Variants in NOD1 observed in about 807,000 individuals in gnomAD.
The protein encoded by NOD1 is nucleotide binding oligomerization domain containing 1, also known as nucleotide-binding oligomerization domain-containing protein 1.
NOD1 carries 70 observed loss-of-function variants against 81.2 expected under a neutral mutation model. The ratio of observed to expected loss-of-function variants is 0.86; its 90% CI spans 0.71 to 1.05. NOD1 has a LOEUF of 1.05. NOD1 is among the 50% of genes least tolerant of loss of function. The pLI is 0.00. For synonymous variants in NOD1, 508 were observed against 526.9 expected (o/e 0.96, Z 0.49); for missense variants, 1,233 against 1,228.0 (o/e 1.00, Z -0.06).
chr7:30,429,336 C>T (rs749682446), intron 13 of NOD1, 38 bp downstream of exon 13: 1 of 1,540,726 alleles, frequency 6.5e-7, no homozygotes, highest in South Asian at 1.1e-5. Context: ...AGTAAACAGT[C>T]ACTGGTGTTA....
At chr7:30,471,114 C>T (rs1583884785) in intron 1 of NOD1, among the ~76,000 whole-genome samples, 1 of 148,992 alleles carries the variant, frequency 6.7e-6, no homozygotes, top group East Asian at 1.9e-4. Flanking sequence ...CGTTTATTAA[C>T]CCCATTGAAC....
At chr7:30,471,589 CA>C (rs1206875424) in intron 1 of NOD1, among the ~76,000 whole-genome samples, 1 of 152,206 alleles carries the variant, frequency 6.6e-6, no homozygotes, top group Non-Finnish European at 1.5e-5. Flanking sequence ...TTCAGATTTT[CA>C]AAGGTGAACA....
At position 30,437,665 on chromosome 7, in the gene NOD1, G is replaced by A. The variant is rs1784498415; in HGVS notation, c.2454-9C>T. ...CTTGATTGCCCCACATCCTGAGGGA[G>A]GAGACAAGATAGTGAATGTTAGCTC... On this transcript the variant is annotated splice_polypyrimidine_tract_variant and intron_variant, in intron 9 of 13. Coordinates refer to ENST00000222823, the MANE Select transcript of NOD1 (RefSeq NM_006092.4). 1 of 1,508,680 alleles carries A rather than the reference G, an allele frequency of 6.6e-7. No individual in the cohort carries two copies. Among genetic ancestry groups the A allele is most frequent in the South Asian group, 1.4e-5 (1 of 74,024 alleles). The allele number at this position is 1,508,680 out of a possible 1,614,324, so 93.5% of individuals were successfully genotyped here. A position where few individuals can be genotyped will look rare whatever the true frequency, so the allele number is the denominator to read the frequency against.
At chr7:30,435,120 T>C (rs1784271057) in intron 11 of NOD1, among the ~76,000 whole-genome samples, 1 of 151,812 alleles carries the variant, frequency 6.6e-6, no homozygotes, top group African/African-American at 2.4e-5. Flanking sequence ...TAAAGCAAAA[T>C]AAAACATTAA....
intron 11 of NOD1, 74 bp downstream of exon 11, chr7:30,435,924 C>T: frequency 1.6e-6 from 2 of 1,289,082 alleles, no homozygotes; most frequent in Non-Finnish European, 2.2e-6. Context: ...CACCAATGCA[C>T]TCAAGCCTGG....
At chr7:30,476,374 C>G (rs1788782390) in intron 1 of NOD1, among the ~76,000 whole-genome samples, 1 of 152,174 alleles carries the variant, frequency 6.6e-6, no homozygotes, top group Non-Finnish European at 1.5e-5. Context: ...CCATGATGCA[C>G]AGAGCACGTA....
rs998329569 is a variant in NOD1 at position 30,451,761 on chromosome 7, C to A, written c.1656G>T (p.Gly552=). The A allele has an allele frequency of 8.1e-6, 13 of 1,613,724 alleles. No homozygotes were observed. Among genetic ancestry groups the A allele is most frequent in the Non-Finnish European group, 1.1e-5 (13 of 1,179,994 alleles). Residue 552 remains glycine (G), a synonymous_variant, in exon 6 of 14, where the codon GGG becomes GGT. Coordinates refer to ENST00000222823, the MANE Select transcript of NOD1 (RefSeq NM_006092.4). This position sits in a 1 kb window ranked among gnomAD's most constrained non-coding sequence, Gnocchi z 4.2. ...GAGGATAGCAGGACGTGGTCGCTGC[C>A]CCCGCAGGGGGCATCCACTCCTGGA... ...RFFQEWMPPA[G]AATTSCYPPF... is the part of the protein sequence containing the mutation.
At chr7:30,453,177 ACTC>A in intron 5 of NOD1, 137 bp from the exon 6 acceptor site, 1 of 877,090 alleles carries the variant, frequency 1.1e-6, no homozygotes, top group Non-Finnish European at 1.7e-6. Context: ...CAGCGCAGCC[ACTC>A]CTCAGATGCA....
rs1200343009 is a variant in NOD1, at chr7:30,424,810, ATTTC to A, written c.*824_*827del. On this transcript the variant is annotated 3_prime_UTR_variant, in exon 14 of 14. Transcript: ENST00000222823. ...GGGCCACAGGGGCAAGCCATGCCCT[ATTTC>A]TTTGGAGGGACAGAATCACTTCTTC... The A allele has an allele frequency of 6.6e-6, 1 of 152,238 alleles. No homozygotes were observed. Among genetic ancestry groups the A allele is most frequent in the Non-Finnish European group, 1.5e-5 (1 of 68,094 alleles). The allele number at this position is 152,238 out of a possible 1,614,324, so 9.4% of individuals were successfully genotyped here. A position where few individuals can be genotyped will look rare whatever the true frequency, so the allele number is the denominator to read the frequency against.
Position 30,437,629 on chromosome 7 carries a change from T to A in NOD1, c.2481A>T (p.Glu827Asp). The change falls in exon 10 of 14, where the codon GAA becomes GAT. Residue 827 changes from glutamate (E) to aspartate (D), a missense_variant. Coordinates refer to ENST00000222823, the MANE Select transcript of NOD1 (RefSeq NM_006092.4). ...GAGCCTCTGCGAAGGCTTTTGCTCC[T>A]TCATCCCCAACTTGATTGCCCCACA... Reference protein sequence around the residue: ...VGMWGNQVGDEGAKAFAEALR... With the variant: ...VGMWGNQVGDDGAKAFAEALR... 2 of 1,511,702 alleles carry A rather than the reference T, an allele frequency of 1.3e-6. No individual in the cohort carries two copies. The highest frequency in any genetic ancestry group is 1.8e-6 in the Non-Finnish European group (2 of 1,142,542). The allele number at this position is 1,511,702 out of a possible 1,614,324, so 93.6% of individuals were successfully genotyped here. A position where few individuals can be genotyped will look rare whatever the true frequency, so the allele number is the denominator to read the frequency against.
chr7:30,450,745 A>G (rs1356248481), intron 6 of NOD1, among the ~76,000 whole-genome samples: 1 of 152,188 alleles, frequency 6.6e-6, no homozygotes. Context: ...TTCTTTATGC[A>G]TTCTGGCACT....
intron 1 of NOD1, among the ~76,000 whole-genome samples, chr7:30,471,931 G>A (rs1357386909): frequency 6.6e-6 from 1 of 152,164 alleles, no homozygotes; most frequent in Non-Finnish European, 1.5e-5. Flanking sequence ...GGCTGGGCAG[G>A]CCTGGTTCCA....
intron 2 of NOD1, 46 bp downstream of exon 2, chr7:30,459,855 T>C (rs1327168145): frequency 1.3e-5 from 2 of 152,640 alleles, no homozygotes; most frequent in African/African-American, 2.4e-5. Flanking sequence ...TCATCCCTCC[T>C]TTCCCGACCT....
chr7:30,452,122 T>A lies in NOD1; in HGVS notation c.1295A>T (p.His432Leu). ...TDVFLLVTEV[H>L]LNRMQPSSLV... ...GCTGCTGGGCTGCATCCTGTTCAGA[T>A]GGACCTCAGTGACCAGGAGGAAGAC... The change falls in exon 6 of 14, where the codon CAT becomes CTT. Residue 432 changes from histidine (H) to leucine (L), a missense_variant. Physicochemically the swap from His to Leu is moderately conservative, Grantham distance 99. Transcript: ENST00000222823. The A allele has an allele frequency of 6.2e-7, 1 of 1,613,974 alleles. No homozygotes were observed. Among genetic ancestry groups the A allele is most frequent in the South Asian group, 1.1e-5 (1 of 91,088 alleles).
At chr7:30,426,233 T>C (rs1219672376) in intron 13 of NOD1, among the ~76,000 whole-genome samples, 2 of 152,088 alleles carry the variant, frequency 1.3e-5, no homozygotes, top group Non-Finnish European at 2.9e-5. Flanking sequence ...AGTTACCTGC[T>C]TGGCATCCTC....
At position 30,455,267 on chromosome 7, in the gene NOD1, C is replaced by T. The variant is rs569529498; in HGVS notation, c.246G>A (p.Val82=). 3 of 1,614,178 alleles carry T rather than the reference C, an allele frequency of 1.9e-6. No homozygotes were observed. The highest frequency in any genetic ancestry group is 1.3e-5 in the African/African-American group (1 of 75,054). Residue 82 remains valine (V), a synonymous_variant, in exon 5 of 14, where the codon GTG becomes GTA. Coordinates refer to ENST00000222823, the MANE Select transcript of NOD1 (RefSeq NM_006092.4). The part of the protein sequence containing the change: ...LDLVQSKGEE[V]SEFFLYLLQQ... ...GGAGCAAGTAGAGGAAGAACTCGGA[C>T]ACCTCCTCGCCCTTGCTCTGTACCA...
At chr7:30,457,220 G>C (rs988308920) in intron 3 of NOD1, among the ~76,000 whole-genome samples, 178 bp from the exon 4 acceptor site, 2 of 152,202 alleles carry the variant, frequency 1.3e-5, no homozygotes, top group African/African-American at 2.4e-5. Context: ...GCTGAGATGG[G>C]TAGATAGCTT....
chr7:30,451,159 C>T lies in NOD1; in HGVS notation c.2201+57G>A. 6.4e-7 allele frequency: 1 copy of T among 1,561,890 alleles called. No individual in the cohort carries two copies. The highest frequency in any genetic ancestry group is 1.2e-5 in the South Asian group (1 of 83,738). On this transcript the variant is annotated intron_variant, in intron 6 of 13. Transcript: ENST00000222823. This position sits in a 1 kb window ranked among gnomAD's most constrained non-coding sequence, Gnocchi z 4.2. ...CTGGTCCATGATGCCATTCCCGATGCCCTCCGAGCCTGGCCCGCCCGGCCC... is the reference window on the plus strand; with the variant it reads ...CTGGTCCATGATGCCATTCCCGATGTCCTCCGAGCCTGGCCCGCCCGGCCC...
chr7:30,436,187 C>A, intron 10 of NOD1, 106 bp from the exon 11 acceptor site: 1 of 858,696 alleles, frequency 1.2e-6, no homozygotes. Flanking sequence ...GTGGCCCCAG[C>A]CCAGGCTCAC....
Sources: allele counts gnomAD v4.1 joint callset (sites outside exome capture counted in the v4.1 genomes callset), GRCh38; gene constraint gnomAD v4.1.1; non-coding constraint Gnocchi (gnomAD v3.1); transcripts MANE v1.5; gene names NCBI Gene and HGNC (gene_info 2026-07-23, HGNC 2026-07-21).